FMN2: variants seen among roughly 807,000 people sequenced by gnomAD.
FMN2 encodes the protein formin-2.
FMN2 carries 51 observed loss-of-function variants against 142.3 expected under a neutral mutation model. That is an observed-to-expected ratio of 0.36 (90% CI 0.29 to 0.45). The LOEUF is 0.45. Ranked by LOEUF, FMN2 falls within the 20% of genes least tolerant of loss-of-function variation. The pLI, the probability that FMN2 is intolerant of heterozygous loss-of-function variation, is 1.00. For missense variants in FMN2, 1,936 were observed against 2,122.8 expected, an observed-to-expected ratio of 0.91 and a Z score of 1.73; for synonymous variants, 882 against 869.8, an observed-to-expected ratio of 1.01 and a Z score of -0.25.
chr1:240,400,020 G>A (rs541971680), intron 15 of FMN2, among the ~76,000 whole-genome samples: 10 of 152,286 alleles, frequency 6.6e-5, no homozygotes, highest in Non-Finnish European at 1.2e-4. Context: ...TAAGAGCTTC[G>A]TCTGAAAGAA....
intron 16 of FMN2, among the ~76,000 whole-genome samples, chr1:240,468,206 A>ATATATGTGTGTGTGTGTGTGTG (rs374934885): frequency 2.0e-5 from 3 of 147,876 alleles, no homozygotes; most frequent in Non-Finnish European, 4.5e-5. Context: ...ATATATATAT[A>ATATATGTGTGTGTGTGTGTGTG]TGTGTGTGTG....
At chr1:240,145,864 C>T (rs906314138) in intron 2 of FMN2, among the ~76,000 whole-genome samples, 2 of 151,834 alleles carry the variant, frequency 1.3e-5, no homozygotes, top group Admixed American at 6.6e-5. Flanking sequence ...GGCCAAGGGT[C>T]GAGGCAGAAA....
chr1:240,382,436 G>A (rs888758828), intron 14 of FMN2, among the ~76,000 whole-genome samples: 10 of 152,108 alleles, frequency 6.6e-5, no homozygotes, highest in African/African-American at 1.2e-4. Context: ...CAAGGAGGGC[G>A]GATCACCTGA....
chr1:240,192,282 G>A (rs572904717), intron 4 of FMN2, among the ~76,000 whole-genome samples: 1 of 152,242 alleles, frequency 6.6e-6, no homozygotes, highest in African/African-American at 2.4e-5. Flanking sequence ...GATGGTCTTG[G>A]TTACTCAGAA....
At chr1:240,366,036 A>G (rs1672657611) in intron 14 of FMN2, among the ~76,000 whole-genome samples, 1 of 152,328 alleles carries the variant, frequency 6.6e-6, no homozygotes, top group Non-Finnish European at 1.5e-5. Context: ...AAGAGCTGAA[A>G]CAAGAAGGCA....
chr1:240,241,825 CTTTTTTTTTTTTTTTT>C (rs71567282), intron 6 of FMN2, among the ~76,000 whole-genome samples: 49,609 of 98,834 alleles, frequency 0.5, 8,980 homozygotes, highest in Middle Eastern at 0.64. Context: ...GTGTGCCTTG[CTTTTTTTTTTTTTTTT>C]TTTTTTTTTT....
intron 2 of FMN2, among the ~76,000 whole-genome samples, chr1:240,145,700 G>C (rs954538973): frequency 7.9e-5 from 12 of 151,722 alleles, no homozygotes; most frequent in African/African-American, 2.7e-4. Context: ...TGTAGAGACA[G>C]GTTCTGGCTA....
chr1:240,207,041 G>A lies in FMN2; in HGVS notation c.2229G>A (p.Ser743=), dbSNP rs368104157. Residue 743 remains serine, a synonymous_variant, in exon 5 of 18, where the codon TCG becomes TCA. Transcript: ENST00000319653. Reference sequence around the variant, plus strand: ...ATCATAGGATTTTAGAGGCGAAATCGATACAGACTTCCCCCACGGAAGAGG... The same window carrying A: ...ATCATAGGATTTTAGAGGCGAAATCAATACAGACTTCCCCCACGGAAGAGG... The part of the protein sequence containing the change: ...VRHHRILEAK[S]IQTSPTEEGG... 3.5e-5 allele frequency: 56 copies of A among 1,614,152 alleles called. No homozygotes were observed. In the South Asian group the frequency reaches 4.1e-4, roughly 12 times the overall value.
chr1:240,101,818 G>A (rs1301242429), intron 1 of FMN2, among the ~76,000 whole-genome samples: 1 of 150,874 alleles, frequency 6.6e-6, no homozygotes, highest in Admixed American at 6.6e-5. Context: ...TATGATGGTT[G>A]ATCGTGTGTT....
At chr1:240,350,654 T>G (rs1172251878) in intron 13 of FMN2, among the ~76,000 whole-genome samples, 2 of 152,220 alleles carry the variant, frequency 1.3e-5, no homozygotes, top group African/African-American at 4.8e-5. Context: ...ACAGAGCTAA[T>G]AGAAGAACTG....
chr1:240,318,482 A>T (rs1005630763), intron 8 of FMN2, among the ~76,000 whole-genome samples: 1 of 151,998 alleles, frequency 6.6e-6, no homozygotes, highest in African/African-American at 2.4e-5. Flanking sequence ...CTCTGGGATA[A>T]ATGGGAAGAA....
chr1:240,394,342 A>C (rs1673703287), intron 15 of FMN2, among the ~76,000 whole-genome samples: 1 of 152,310 alleles, frequency 6.6e-6, no homozygotes, highest in African/African-American at 2.4e-5. Context: ...AGCCTGTTTC[A>C]ATTCCCTTAA....
intron 2 of FMN2, among the ~76,000 whole-genome samples, chr1:240,150,274 T>C (rs562975994): frequency 1.3e-5 from 2 of 152,056 alleles, no homozygotes; most frequent in Non-Finnish European, 2.9e-5. Context: ...CAAATGAAAA[T>C]TGAGGTCAGC....
chr1:240,179,065 T>G (rs1665044691), intron 3 of FMN2, among the ~76,000 whole-genome samples: 1 of 152,186 alleles, frequency 6.6e-6, no homozygotes, highest in Non-Finnish European at 1.5e-5. Context: ...ACAACTGTAT[T>G]CAGTTTTCTC....
At chr1:240,393,103 T>C (rs1673663412) in intron 15 of FMN2, among the ~76,000 whole-genome samples, 1 of 151,326 alleles carries the variant, frequency 6.6e-6, no homozygotes, top group African/African-American at 2.5e-5. Flanking sequence ...GATACAGATA[T>C]AAACACACAC....
At position 240,342,108 on chromosome 1, in the gene FMN2, G is replaced by A. The variant is rs536966708; in HGVS notation, c.4765+7879G>A. Among the ~76,000 whole-genome samples the A allele has an allele frequency of 6.6e-5, 10 of 152,166 alleles. No homozygotes were observed. The South Asian group carries it at 1.0e-3, about 16-fold the overall frequency. On this transcript the variant is annotated intron_variant, in intron 13 of 17. Transcript: ENST00000319653. Reference sequence around the variant, plus strand: ...TCATAGTTCGATGACTTCTACTTCCGCCCTGTTTATTAACTTTGGCTTCTC... The same window carrying A: ...TCATAGTTCGATGACTTCTACTTCCACCCTGTTTATTAACTTTGGCTTCTC...
At chr1:240,254,225 G>T (rs1056351213) in intron 6 of FMN2, among the ~76,000 whole-genome samples, 1 of 152,080 alleles carries the variant, frequency 6.6e-6, no homozygotes, top group Admixed American at 6.5e-5. Context: ...AGTGGTTTGC[G>T]CTGGTGTTGC....
chr1:240,340,317 A>T (rs1671704431), intron 13 of FMN2, among the ~76,000 whole-genome samples: 1 of 152,102 alleles, frequency 6.6e-6, no homozygotes, highest in Non-Finnish European at 1.5e-5. Context: ...GCAGTGGCTC[A>T]CACCTGTAAT....
chr1:240,297,321 T>TGTG (rs1670020009), intron 8 of FMN2, among the ~76,000 whole-genome samples: 1 of 151,996 alleles, frequency 6.6e-6, no homozygotes, highest in Non-Finnish European at 1.5e-5. Context: ...TTGGGCTGGG[T>TGTG]GTGGTGGCTC....
Sources: gnomAD v4.1 joint callset for allele counts (sites outside exome capture counted in the v4.1 genomes callset) on GRCh38, gnomAD v4.1.1 for gene constraint, MANE v1.5 for transcripts, NCBI Gene and HGNC (gene_info 2026-07-23, HGNC 2026-07-21) for gene names.